MAP2K6: variants seen among roughly 807,000 people sequenced by gnomAD.
MAP2K6 encodes the protein dual specificity mitogen-activated protein kinase kinase 6.
MAP2K6 carries 16 observed loss-of-function variants against 53.7 expected under a neutral mutation model. That is an observed-to-expected ratio of 0.30 (90% CI 0.20 to 0.45). The LOEUF is 0.45. MAP2K6 is among the 20% of genes least tolerant of loss of function. The pLI is 1.00. For missense variants in MAP2K6, 204 were observed against 411.9 expected, an observed-to-expected ratio of 0.50 and a Z score of 4.37; for synonymous variants, 132 against 143.1, an observed-to-expected ratio of 0.92 and a Z score of 0.55.
chr17:69,478,017 T>TTACA (rs1908212676), intron 1 of MAP2K6, among the ~76,000 whole-genome samples: 2 of 152,126 alleles, frequency 1.3e-5, no homozygotes, highest in South Asian at 4.1e-4. Flanking sequence ...GTGTTAAAGG[T>TTACA]GGCAAGATTA....
At position 69,517,536 on chromosome 17, in the gene MAP2K6, A is replaced by G; in HGVS notation, c.169A>G (p.Met57Val). The G allele has an allele frequency of 1.2e-6, 2 of 1,611,188 alleles. No individual in the cohort carries two copies. Among genetic ancestry groups the G allele is most frequent in the Non-Finnish European group, 1.7e-6 (2 of 1,178,386 alleles). Residue 57 changes from methionine to valine, a missense_variant, in exon 4 of 12, where the codon ATG (methionine) becomes GTG (valine). Physicochemically the swap from Met to Val is conservative, Grantham distance 21 (BLOSUM62 1). Coordinates refer to ENST00000590474, the MANE Select transcript of MAP2K6 (RefSeq NM_002758.4). ...GAAGGCAGATGACCTGGAGCCTATA[A>G]TGGAACTGGGACGAGGTGCGTACGG... is the stretch of plus-strand genomic sequence containing the variant. ...EVKADDLEPI[M>V]ELGRGAYGVV...
intron 2 of MAP2K6, among the ~76,000 whole-genome samples, 157 bp from the exon 3 acceptor site, chr17:69,516,698 C>G (rs760874998): frequency 6.6e-6 from 1 of 152,170 alleles, no homozygotes; most frequent in Non-Finnish European, 1.5e-5. Flanking sequence ...TGATTTATTT[C>G]AAATCCCCTC....
intron 1 of MAP2K6, among the ~76,000 whole-genome samples, chr17:69,455,851 GTTTTTTTT>G (rs11317793): frequency 1.0e-5 from 1 of 95,376 alleles, no homozygotes; most frequent in East Asian, 3.6e-4. Context: ...TGGACTTTCA[GTTTTTTTT>G]TTTTTTTTTT....
chr17:69,451,118 A>G (rs941301696), intron 1 of MAP2K6, among the ~76,000 whole-genome samples: 2 of 152,250 alleles, frequency 1.3e-5, no homozygotes, highest in Non-Finnish European at 2.9e-5. Flanking sequence ...AGAATTTGTC[A>G]TGGCTGAAGC....
chr17:69,512,930 A>G (rs1384916515), intron 2 of MAP2K6, among the ~76,000 whole-genome samples: 1 of 152,198 alleles, frequency 6.6e-6, no homozygotes, highest in African/African-American at 2.4e-5. Context: ...ACTAAACCGA[A>G]GCTGGTTGTT....
chr17:69,426,781 A>G (rs1212885329), intron 1 of MAP2K6, among the ~76,000 whole-genome samples: 1 of 147,630 alleles, frequency 6.8e-6, no homozygotes, highest in East Asian at 1.9e-4. Context: ...AAATAGAGCA[A>G]TTCTTTAGAA....
intron 1 of MAP2K6, among the ~76,000 whole-genome samples, chr17:69,471,473 CA>C (rs1907979828): frequency 1.3e-5 from 2 of 152,000 alleles, no homozygotes; most frequent in Non-Finnish European, 2.9e-5. Context: ...CTAAACAGTG[CA>C]TACATAAAGA....
chr17:69,521,404 T>C (rs1910459866), intron 7 of MAP2K6: 1 of 303,770 alleles, frequency 3.3e-6, no homozygotes, highest in Admixed American at 5.0e-5. Context: ...AAATTGATCT[T>C]GTATTGGCCA....
At chr17:69,519,568 C>T (rs1156539933) in intron 5 of MAP2K6, 136 bp downstream of exon 5, 1 of 976,516 alleles carries the variant, frequency 1.0e-6, no homozygotes, top group East Asian at 2.6e-5. Context: ...TACGTGTGTG[C>T]AATGATGACA....
In MAP2K6 at chr17:69,547,189, T is replaced by A. The variant is rs999781776; in HGVS notation, c.*5436T>A. ...ATATGAAGCACATAATTTTGCAAAC[T>A]TTTTTTGGTTGTTGTTGGGAGGGGG... On this transcript the variant is annotated 3_prime_UTR_variant, in exon 12 of 12. Transcript: ENST00000590474. 1 of 152,182 alleles carries A rather than the reference T, an allele frequency of 6.6e-6. No individual in the cohort carries two copies. The highest frequency in any genetic ancestry group is 1.5e-5 in the Non-Finnish European group (1 of 68,030). 9.4% of individuals were successfully genotyped at this position (152,182 alleles called of 1,614,324 possible).
intron 9 of MAP2K6, among the ~76,000 whole-genome samples, chr17:69,526,034 A>G (rs1910751466): frequency 1.3e-5 from 2 of 152,194 alleles, no homozygotes; most frequent in Non-Finnish European, 2.9e-5. Context: ...CAGCTGAATA[A>G]ATCCCATGAG....
chr17:69,534,015 C>T (rs1344959198), intron 10 of MAP2K6, among the ~76,000 whole-genome samples: 3 of 152,178 alleles, frequency 2.0e-5, no homozygotes, highest in African/African-American at 7.2e-5. Context: ...AATCTCTGCA[C>T]TCATGACATT....
chr17:69,529,215 G>T (rs1482285558), intron 10 of MAP2K6, among the ~76,000 whole-genome samples: 1 of 152,144 alleles, frequency 6.6e-6, no homozygotes, highest in Non-Finnish European at 1.5e-5. Flanking sequence ...TAACTGATCT[G>T]GGGAGGGGCC....
intron 1 of MAP2K6, among the ~76,000 whole-genome samples, chr17:69,449,557 C>A (rs71375727): frequency 0.12 from 12,035 of 103,260 alleles, 660 homozygotes; most frequent in Non-Finnish European, 0.14. Context: ...TTCTTTCTTT[C>A]TTTATTTCTT....
At chr17:69,519,619 A>G (rs1259017812) in intron 5 of MAP2K6, 187 bp downstream of exon 5, 3 of 620,974 alleles carry the variant, frequency 4.8e-6, no homozygotes, top group Non-Finnish European at 2.7e-6. Context: ...GGTATTTTCA[A>G]ATGTGGTTAG....
chr17:69,527,600 C>T (rs918898892), intron 10 of MAP2K6, among the ~76,000 whole-genome samples: 2 of 152,180 alleles, frequency 1.3e-5, no homozygotes, highest in East Asian at 3.9e-4. Flanking sequence ...AAGTGAAGCA[C>T]ACCCCTGAGC....
intron 2 of MAP2K6, among the ~76,000 whole-genome samples, chr17:69,515,305 C>T (rs1204260828): frequency 4.6e-5 from 7 of 151,878 alleles, no homozygotes; most frequent in African/African-American, 1.2e-4. Context: ...TACAGGCATG[C>T]GCCACAATGC....
At chr17:69,480,110 A>G (rs1908296577) in intron 1 of MAP2K6, among the ~76,000 whole-genome samples, 1 of 152,202 alleles carries the variant, frequency 6.6e-6, no homozygotes, top group Admixed American at 6.5e-5. Flanking sequence ...AAATTTAAGC[A>G]AAAAGTATTT....
intron 1 of MAP2K6, chr17:69,485,124 T>A (rs1908483570): frequency 6.6e-6 from 1 of 152,206 alleles, no homozygotes; most frequent in East Asian, 1.9e-4. Flanking sequence ...AAAGGTATTT[T>A]AATAAGAGTC....
Sources: allele counts gnomAD v4.1 joint callset (sites outside exome capture counted in the v4.1 genomes callset), GRCh38; gene constraint gnomAD v4.1.1; transcripts MANE v1.5; gene names NCBI Gene and HGNC (gene_info 2026-07-23, HGNC 2026-07-21).